DGCR2: variants seen among roughly 807,000 people sequenced by gnomAD.
DGCR2 encodes DiGeorge syndrome critical region gene 2, also known as integral membrane protein DGCR2/IDD.
Under a neutral mutation model 51.6 loss-of-function variants are expected in DGCR2, and 24 were observed. The ratio of observed to expected loss-of-function variants is 0.47; its 90% CI spans 0.34 to 0.65. The LOEUF (loss-of-function observed/expected upper bound fraction) is 0.65. Ranked by LOEUF, DGCR2 falls within the 30% of genes least tolerant of loss-of-function variation. The pLI is 0.01. For synonymous variants in DGCR2, 340 were observed against 315.4 expected (o/e 1.08, Z -0.82); for missense variants, 765 against 772.1 (o/e 0.99, Z 0.11).
intron 2 of DGCR2, among the ~76,000 whole-genome samples, chr22:19,078,155 G>T (rs1357662949): frequency 1.3e-5 from 2 of 152,130 alleles, no homozygotes; most frequent in Non-Finnish European, 2.9e-5. Flanking sequence ...TTAACATTTT[G>T]TAGTTGTCAG....
intron 1 of DGCR2, among the ~76,000 whole-genome samples, chr22:19,101,110 CA>C (rs958459056): frequency 4.6e-5 from 7 of 151,474 alleles, no homozygotes; most frequent in Non-Finnish European, 1.0e-4. Context: ...AACCCTGTCT[CA>C]AAAAAAACAC....
At chr22:19,060,841 C>T in intron 5 of DGCR2, 1 of 514,590 alleles carries the variant, frequency 1.9e-6, no homozygotes, top group Non-Finnish European at 3.9e-6. Flanking sequence ...GAGCGCTCCA[C>T]CAAGGCGCAC....
intron 5 of DGCR2, among the ~76,000 whole-genome samples, chr22:19,062,777 T>TCA (rs1224791034): frequency 2.4e-5 from 3 of 125,344 alleles, no homozygotes; most frequent in East Asian, 2.5e-4. Context: ...ACATGCATGC[T>TCA]CACTCTCTCT....
At chr22:19,080,200 C>A (rs1191654568) in intron 2 of DGCR2, among the ~76,000 whole-genome samples, 1 of 152,212 alleles carries the variant, frequency 6.6e-6, no homozygotes, top group Non-Finnish European at 1.5e-5. Flanking sequence ...CAGAGAATTT[C>A]TCTTAATTCC....
intron 2 of DGCR2, among the ~76,000 whole-genome samples, chr22:19,085,212 T>C (rs544816634): frequency 2.6e-5 from 4 of 152,084 alleles, no homozygotes; most frequent in African/African-American, 9.6e-5. Flanking sequence ...TCAAAACAAC[T>C]GGCAAGGCTA....
chr22:19,080,961 T>G lies in DGCR2; in HGVS notation c.202+8407A>C, dbSNP rs1201633539. On this transcript the variant is annotated intron_variant, in intron 2 of 9. Transcript: ENST00000263196. The stretch of plus-strand genomic sequence containing the variant: ...CCTATCCCACTCCCATGCCTATGCC[T>G]GATGCCTGCCACCCTTGGCACTCAG... Among the ~76,000 whole-genome samples, 2 of 152,302 alleles carry G rather than the reference T, an allele frequency of 1.3e-5. 1 individual carries two copies. Among genetic ancestry groups the G allele is most frequent in the East Asian group, 3.9e-4 (2 of 5,172 alleles).
chr22:19,058,420 G>C (rs955255803), intron 5 of DGCR2, among the ~76,000 whole-genome samples: 2 of 152,130 alleles, frequency 1.3e-5, no homozygotes, highest in Admixed American at 6.5e-5. Context: ...ACCACCTGGA[G>C]GGCTGGTCTC....
intron 1 of DGCR2, among the ~76,000 whole-genome samples, chr22:19,096,140 C>G (rs542355789): frequency 6.6e-6 from 1 of 152,150 alleles, no homozygotes; most frequent in Non-Finnish European, 1.5e-5. Flanking sequence ...TCAGTGTATT[C>G]TAGGTCTTCA....
intron 2 of DGCR2, among the ~76,000 whole-genome samples, chr22:19,072,217 G>A (rs1040097674): frequency 1.1e-4 from 16 of 152,080 alleles, no homozygotes; most frequent in African/African-American, 2.9e-4. Flanking sequence ...ATTCCCCATC[G>A]CCATTTTTCT....
chr22:19,069,054 T>C (rs1173057376), intron 2 of DGCR2, among the ~76,000 whole-genome samples: 1 of 152,200 alleles, frequency 6.6e-6, no homozygotes, highest in Non-Finnish European at 1.5e-5. Flanking sequence ...AGGGCCCTCA[T>C]GGGCCCGCTC....
At chr22:19,111,065 T>C (rs948242031) in intron 1 of DGCR2, among the ~76,000 whole-genome samples, 1 of 152,316 alleles carries the variant, frequency 6.6e-6, no homozygotes, top group South Asian at 2.1e-4. Flanking sequence ...TCATGAATGT[T>C]TGTTAAGAAG....
chr22:19,088,689 T>C (rs553860078), intron 2 of DGCR2, among the ~76,000 whole-genome samples: 1 of 152,314 alleles, frequency 6.6e-6, no homozygotes, highest in East Asian at 1.9e-4. Context: ...GATACATGTA[T>C]ATGTATGTCT....
intron 7 of DGCR2, 99 bp downstream of exon 7, chr22:19,048,341 A>C (rs1363374057): frequency 6.1e-6 from 8 of 1,303,634 alleles, no homozygotes; most frequent in Non-Finnish European, 8.8e-6. Flanking sequence ...GATGCTCCAT[A>C]AACTCTCCTG....
intron 6 of DGCR2, among the ~76,000 whole-genome samples, chr22:19,051,899 C>T (rs2082552459): frequency 6.6e-6 from 1 of 152,128 alleles, no homozygotes; most frequent in Admixed American, 6.5e-5. Flanking sequence ...TATCTGCATA[C>T]CTAACAGAAG....
intron 5 of DGCR2, among the ~76,000 whole-genome samples, chr22:19,058,714 C>G (rs1349529601): frequency 2.6e-5 from 4 of 152,246 alleles, no homozygotes; most frequent in Non-Finnish European, 5.9e-5. Context: ...TGACAGCAGA[C>G]TGAGACCAAG....
rs2083055098 is a variant in DGCR2 at position 19,089,509 on chromosome 22, A to G, written c.80-19T>C. The G allele has an allele frequency of 1.3e-6, 2 of 1,530,338 alleles. No individual in the cohort carries two copies. The highest frequency in any genetic ancestry group is 1.9e-5 in the Admixed American group (1 of 51,762). 94.8% of individuals were successfully genotyped at this position (1,530,338 alleles called of 1,614,324 possible). A position where few individuals can be genotyped will look rare whatever the true frequency, so the allele number is the denominator to read the frequency against. ...CGCAGCTCTGTGGGACCAAAGGGTG[A>G]GAGGCCATTGAGGAAGTGGCAGTAG... is the stretch of plus-strand genomic sequence containing the variant. On this transcript the variant is annotated intron_variant, in intron 1 of 9. Coordinates refer to ENST00000263196, the MANE Select transcript of DGCR2 (RefSeq NM_005137.3).
rs1265272623 is a variant in DGCR2 at position 19,122,211 on chromosome 22, C to T, written c.-5G>A. 4.0e-6 allele frequency: 6 copies of T among 1,494,044 alleles called. No individual in the cohort carries two copies. Among genetic ancestry groups the T allele is most frequent in the Non-Finnish European group, 4.5e-6 (5 of 1,119,168 alleles). The allele number at this position is 1,494,044 out of a possible 1,614,324, so 92.5% of individuals were successfully genotyped here. A position where few individuals can be genotyped will look rare whatever the true frequency, so the allele number is the denominator to read the frequency against. ...GCTGTCTGCCTTGGGCACCATTTAT[C>T]CTCCGTTCATCGTCCCCGGGGCGGC... is the stretch of plus-strand genomic sequence containing the variant. On this transcript the variant is annotated 5_prime_UTR_variant, in exon 1 of 10. Transcript: ENST00000263196.
intron 1 of DGCR2, among the ~76,000 whole-genome samples, chr22:19,105,534 T>C (rs2800971): frequency 0.45 from 69,069 of 152,034 alleles, 16,082 homozygotes; most frequent in South Asian, 0.56. Context: ...AAGCACCCAT[T>C]CTGAACAGGT....
chr22:19,069,268 C>T (rs1449064283), intron 2 of DGCR2, among the ~76,000 whole-genome samples: 5 of 152,238 alleles, frequency 3.3e-5, no homozygotes, highest in Non-Finnish European at 7.3e-5. Flanking sequence ...CCTGCAAAGC[C>T]TCCTTCCCTG....
Sources: allele counts gnomAD v4.1 joint callset (sites outside exome capture counted in the v4.1 genomes callset), GRCh38; gene constraint gnomAD v4.1.1; transcripts MANE v1.5; gene names NCBI Gene and HGNC (gene_info 2026-07-23, HGNC 2026-07-21).